CDYL: variants seen among roughly 807,000 people sequenced by gnomAD.
The protein encoded by CDYL is chromodomain Y-like protein.
CDYL carries 8 observed loss-of-function variants against 47.3 expected under a neutral mutation model. The ratio of observed to expected loss-of-function variants is 0.17; its 90% CI spans 0.10 to 0.31. The LOEUF is 0.31. Ranked by LOEUF, CDYL falls within the 10% of genes least tolerant of loss-of-function variation. The pLI is 1.00. For synonymous variants in CDYL, 266 were observed against 265.0 expected, an observed-to-expected ratio of 1.00 and a Z score of -0.04; for missense variants, 471 against 701.4, an observed-to-expected ratio of 0.67 and a Z score of 3.71.
intron 2 of CDYL, among the ~76,000 whole-genome samples, chr6:4,729,490 G>A (rs1019694085): frequency 1.3e-5 from 2 of 152,228 alleles, no homozygotes; most frequent in African/African-American, 4.8e-5. Flanking sequence ...TTGCTTTAGA[G>A]AAGAGAATAT....
chr6:4,751,125 G>C (rs926879403), intron 3 of CDYL, among the ~76,000 whole-genome samples: 4 of 152,148 alleles, frequency 2.6e-5, no homozygotes, highest in Non-Finnish European at 5.9e-5. Context: ...AAAGTGCTGG[G>C]ATTACAGGCG....
intron 3 of CDYL, among the ~76,000 whole-genome samples, chr6:4,747,352 A>G (rs1757917229): frequency 6.6e-6 from 1 of 152,126 alleles, no homozygotes. Flanking sequence ...TATTACCCAA[A>G]ACATTTCTGA....
At chr6:4,771,294 A>T (rs991256343) in intron 3 of CDYL, among the ~76,000 whole-genome samples, 2 of 151,934 alleles carry the variant, frequency 1.3e-5, no homozygotes, top group Non-Finnish European at 2.9e-5. Context: ...TTGTATTTTT[A>T]GTGGAGATGG....
At chr6:4,907,190 A>G (rs1207568383) in intron 2 of CDYL, among the ~76,000 whole-genome samples, 1 of 152,196 alleles carries the variant, frequency 6.6e-6, no homozygotes, top group East Asian at 1.9e-4. Context: ...GGATCACTGT[A>G]GGGCCAGTGG....
intron 1 of CDYL, among the ~76,000 whole-genome samples, chr6:4,791,881 G>T (rs1170974545): frequency 1.5e-5 from 2 of 137,714 alleles, no homozygotes; most frequent in Non-Finnish European, 3.1e-5. Context: ...AGGAATTGTA[G>T]AATTTTTTTT....
intron 2 of CDYL, among the ~76,000 whole-genome samples, chr6:4,914,644 A>G (rs1224480203): frequency 6.6e-6 from 1 of 152,158 alleles, no homozygotes; most frequent in East Asian, 1.9e-4. Context: ...CCAGCGTTTT[A>G]GCTGTGCACG....
chr6:4,894,527 A>G (rs1177851021), intron 2 of CDYL, among the ~76,000 whole-genome samples: 1 of 152,222 alleles, frequency 6.6e-6, no homozygotes, highest in East Asian at 1.9e-4. Flanking sequence ...GTGTTCACAC[A>G]TAAAGTTTTC....
At chr6:4,725,807 C>T (rs1164995694) in intron 2 of CDYL, among the ~76,000 whole-genome samples, 1 of 152,240 alleles carries the variant, frequency 6.6e-6, no homozygotes, top group African/African-American at 2.4e-5. Context: ...GCGCCAAGGC[C>T]GAGGAGGCGC....
chr6:4,838,145 C>T (rs543627159), intron 1 of CDYL, among the ~76,000 whole-genome samples: 22 of 152,138 alleles, frequency 1.4e-4, no homozygotes, highest in South Asian at 6.2e-4. Context: ...AAAAGTTTTT[C>T]GGTATGTCTT....
chr6:4,735,816 A>G (rs1189298858), intron 3 of CDYL, among the ~76,000 whole-genome samples: 1 of 152,064 alleles, frequency 6.6e-6, no homozygotes, highest in African/African-American at 2.4e-5. Flanking sequence ...ACCCCCATGA[A>G]ACTATCACCA....
intron 1 of CDYL, among the ~76,000 whole-genome samples, chr6:4,867,952 G>C (rs1392488879): frequency 1.3e-5 from 2 of 151,898 alleles, no homozygotes; most frequent in African/African-American, 4.8e-5. Context: ...AGGTAGTGAT[G>C]TCTCCTCTTT....
At chr6:4,932,484 G>A (rs1035460213) in intron 2 of CDYL, among the ~76,000 whole-genome samples, 15 of 151,968 alleles carry the variant, frequency 9.9e-5, no homozygotes, top group Admixed American at 5.9e-4. Flanking sequence ...ATTTCCCCAC[G>A]GGAATTTGGG....
Position 4,757,775 on chromosome 6 carries a change from G to A in CDYL, c.186+22931G>A, listed in dbSNP as rs116949117. ...TATTAAGCCAGGTGTGGTAGTTCAT[G>A]CCTGTAATCCCAGCACTGTGGGAGG... On this transcript the variant is annotated intron_variant, in intron 3 of 8. Transcript: ENST00000328908. Among the ~76,000 whole-genome samples, 29 of 152,290 alleles carry A rather than the reference G, an allele frequency of 1.9e-4. No homozygotes were observed. In the East Asian group the frequency reaches 5.2e-3, roughly 27 times the overall value.
intron 1 of CDYL, among the ~76,000 whole-genome samples, chr6:4,837,407 A>G (rs1343631574): frequency 6.6e-6 from 1 of 152,180 alleles, no homozygotes; most frequent in East Asian, 1.9e-4. Context: ...GTGCGTTACA[A>G]TAAAGGGATC....
At chr6:4,837,413 G>A (rs1048238781) in intron 1 of CDYL, among the ~76,000 whole-genome samples, 1 of 151,636 alleles carries the variant, frequency 6.6e-6, no homozygotes, top group Non-Finnish European at 1.5e-5. Flanking sequence ...TACAATAAAG[G>A]GATCACCTGT....
chr6:4,782,572 C>T (rs1758645406), intron 1 of CDYL, among the ~76,000 whole-genome samples: 1 of 152,148 alleles, frequency 6.6e-6, no homozygotes, highest in Non-Finnish European at 1.5e-5. Context: ...TTGGGGTTCA[C>T]GTTCTCTAGG....
At chr6:4,812,581 A>T (rs909046160) in intron 1 of CDYL, among the ~76,000 whole-genome samples, 4 of 152,222 alleles carry the variant, frequency 2.6e-5, no homozygotes, top group African/African-American at 9.7e-5. Flanking sequence ...ATAGCATTAT[A>T]ATGTTTTCAT....
intron 1 of CDYL, among the ~76,000 whole-genome samples, chr6:4,832,436 A>C (rs896191609): frequency 6.6e-6 from 1 of 150,986 alleles, no homozygotes; most frequent in African/African-American, 2.5e-5. Flanking sequence ...CCACTTGATC[A>C]TGGTGAATAA....
At chr6:4,792,454 CAG>C (rs1758952089) in intron 1 of CDYL, among the ~76,000 whole-genome samples, 1 of 144,870 alleles carries the variant, frequency 6.9e-6, no homozygotes, top group Non-Finnish European at 1.5e-5. Flanking sequence ...TTTTTTGAGA[CAG>C]AGTCTCACTC....
Sources: allele counts gnomAD v4.1 joint callset (sites outside exome capture counted in the v4.1 genomes callset), GRCh38; gene constraint gnomAD v4.1.1; transcripts MANE v1.5; gene names NCBI Gene and HGNC (gene_info 2026-07-23, HGNC 2026-07-21).